CRISPLD1: variants seen among roughly 807,000 people sequenced by gnomAD.
The protein encoded by CRISPLD1 is cysteine-rich secretory protein LCCL domain-containing 1.
In CRISPLD1, 60 loss-of-function variants were observed where a neutral mutation model predicts 77.5. The observed-to-expected ratio is 0.77, with a 90% CI of 0.63 to 0.96. The LOEUF (loss-of-function observed/expected upper bound fraction) is 0.96, where lower values mean the gene tolerates loss of function less well. CRISPLD1 is among the 40% of genes least tolerant of loss of function. CRISPLD1 has a pLI of 0.00. For synonymous variants in CRISPLD1, 195 were observed against 200.1 expected, an observed-to-expected ratio of 0.97 and a Z score of 0.22; for missense variants, 623 against 615.8, an observed-to-expected ratio of 1.01 and a Z score of -0.12.
chr8:75,018,233 A>G (rs931975405), intron 10 of CRISPLD1, among the ~76,000 whole-genome samples: 1 of 152,074 alleles, frequency 6.6e-6, no homozygotes, highest in East Asian at 1.9e-4. Flanking sequence ...GGAACGCTCA[A>G]AAATTTGTGG....
At chr8:74,992,326 A>G (rs1222565847) in intron 2 of CRISPLD1, among the ~76,000 whole-genome samples, 1 of 151,998 alleles carries the variant, frequency 6.6e-6, no homozygotes, top group African/African-American at 2.4e-5. Flanking sequence ...TCAAATTTTC[A>G]TGAGCTGCTA....
Position 75,017,304 on chromosome 8 carries a change from C to A in CRISPLD1, c.997-16C>A, listed in dbSNP as rs1024945546. ...TAATATTTTTAACATCTTTTTATCT[C>A]CTCCTTTTTTCCAAGCAATCCAGCA... On this transcript the variant is annotated splice_polypyrimidine_tract_variant and intron_variant, in intron 9 of 14. Transcript: ENST00000262207. 6.2e-7 allele frequency: 1 copy of A among 1,606,152 alleles called. No homozygotes were observed. Among genetic ancestry groups the A allele is most frequent in the African/African-American group, 1.3e-5 (1 of 74,356 alleles).
chr8:75,024,583 C>T (rs1813201134), intron 12 of CRISPLD1, among the ~76,000 whole-genome samples: 1 of 152,142 alleles, frequency 6.6e-6, no homozygotes, highest in South Asian at 2.1e-4. Flanking sequence ...CCTCGGCCTC[C>T]CAGAGTGCTG....
chr8:75,021,731 T>TA (rs1458720927), intron 12 of CRISPLD1, among the ~76,000 whole-genome samples: 1 of 152,218 alleles, frequency 6.6e-6, no homozygotes, highest in Non-Finnish European at 1.5e-5. Context: ...TCAAGACCCC[T>TA]ACACTTACAG....
Position 75,033,792 on chromosome 8 carries a change from A to G in CRISPLD1, c.*1550A>G, listed in dbSNP as rs1196292270. 1 of 151,790 alleles carries G rather than the reference A, an allele frequency of 6.6e-6. No individual in the cohort carries two copies. Among genetic ancestry groups the G allele is most frequent in the African/African-American group, 2.4e-5 (1 of 41,306 alleles). 9.4% of individuals were successfully genotyped at this position (151,790 alleles called of 1,614,324 possible). A position where few individuals can be genotyped will look rare whatever the true frequency, so the allele number is the denominator to read the frequency against. ...TTGATCATATAATAAGTACTGGCTT[A>G]CAGCTAAGTGGTTCCAAATACTGGT... On this transcript the variant is annotated 3_prime_UTR_variant, in exon 15 of 15. Transcript: ENST00000262207.
At chr8:75,015,854 G>A (rs757171520) in intron 6 of CRISPLD1, among the ~76,000 whole-genome samples, 1 of 151,854 alleles carries the variant, frequency 6.6e-6, no homozygotes, top group Non-Finnish European at 1.5e-5. Context: ...CCTCTTCCCC[G>A]GTGACCATTA....
intron 1 of CRISPLD1, 121 bp downstream of exon 1, chr8:74,985,041 G>A (rs1812474859): frequency 6.6e-6 from 1 of 151,310 alleles, no homozygotes; most frequent in Admixed American, 6.6e-5. Flanking sequence ...GTGGTTGGGC[G>A]CGATGGGTGG....
In CRISPLD1 at chr8:75,012,524, G is replaced by A; in HGVS notation, c.350G>A (p.Gly117Glu). 1 of 1,611,572 alleles carries A rather than the reference G, an allele frequency of 6.2e-7. No homozygotes were observed. Among genetic ancestry groups the A allele is most frequent in the Non-Finnish European group, 8.5e-7 (1 of 1,178,002 alleles). ...HGPASLLPSI[G>E]QNLGAHWGRY... is the part of the protein sequence containing the mutation. Reference sequence around the variant, plus strand: ...CCTGCAAGCTTGCTTCCATCAATTGGACAGAATTTGGGAGCACACTGGGGA... The same window carrying A: ...CCTGCAAGCTTGCTTCCATCAATTGAACAGAATTTGGGAGCACACTGGGGA... The change falls in exon 3 of 15, where the codon GGA (glycine) becomes GAA (glutamate). Residue 117 changes from glycine (G) to glutamate (E), a missense_variant. Gly to Glu is a moderately conservative substitution (Grantham distance 98). Transcript: ENST00000262207.
At position 74,999,110 on chromosome 8, in the gene CRISPLD1, A is replaced by T. The variant is rs569695374; in HGVS notation, c.258+12865A>T. ...AATATGTAACTTGGATTACTGGGTTATTAAACTGGCTAAAAATAAGAACCT... is the reference window on the plus strand; with the variant it reads ...AATATGTAACTTGGATTACTGGGTTTTTAAACTGGCTAAAAATAAGAACCT... On this transcript the variant is annotated intron_variant, in intron 2 of 14. Transcript: ENST00000262207. 2.0e-5 allele frequency among the ~76,000 whole-genome samples: 3 copies of T among 152,272 alleles called. No individual in the cohort carries two copies. In the South Asian group the frequency reaches 6.2e-4, roughly 32 times the overall value.
At chr8:75,011,633 G>A (rs1359377029) in intron 2 of CRISPLD1, among the ~76,000 whole-genome samples, 1 of 151,612 alleles carries the variant, frequency 6.6e-6, no homozygotes, top group Non-Finnish European at 1.5e-5. Flanking sequence ...TAACTTAATC[G>A]GTGATTTAAA....
At chr8:74,996,371 T>G (rs979744241) in intron 2 of CRISPLD1, among the ~76,000 whole-genome samples, 4 of 152,168 alleles carry the variant, frequency 2.6e-5, no homozygotes, top group Admixed American at 1.3e-4. Flanking sequence ...ATTGAGCACT[T>G]ATGTGACACA....
chr8:74,986,132 G>C lies in CRISPLD1; in HGVS notation c.145G>C (p.Ala49Pro). The C allele has an allele frequency of 5.6e-6, 9 of 1,614,140 alleles. No homozygotes were observed. The highest frequency in any genetic ancestry group is 7.6e-6 in the Non-Finnish European group (9 of 1,180,036). The change falls in exon 2 of 15, where the codon GCC (alanine) becomes CCC (proline). Residue 49 changes from alanine (A) to proline (P), a missense_variant. Transcript: ENST00000262207. ...GGATGAGGATGGTGAGTGGTGGATA[G>C]CCAAACAACGAGGGAAAAGGGCCAT... is the stretch of plus-strand genomic sequence containing the variant. ...YMDEDGEWWIAKQRGKRAITD... is the reference protein window; with the variant it reads ...YMDEDGEWWIPKQRGKRAITD...
intron 12 of CRISPLD1, among the ~76,000 whole-genome samples, chr8:75,022,556 C>A (rs1434971320): frequency 2.7e-4 from 41 of 150,042 alleles, no homozygotes; most frequent in Non-Finnish European, 4.4e-5. Flanking sequence ...CCACTGCACT[C>A]CAGCCTGGGC....
chr8:74,994,592 C>G (rs567497673), intron 2 of CRISPLD1, among the ~76,000 whole-genome samples: 8 of 152,310 alleles, frequency 5.3e-5, no homozygotes, highest in Non-Finnish European at 1.0e-4. Flanking sequence ...TGTCTCCTCC[C>G]TTCCTGGGAT....
chr8:74,994,044 A>G (rs1324896435), intron 2 of CRISPLD1, among the ~76,000 whole-genome samples: 2 of 152,220 alleles, frequency 1.3e-5, no homozygotes, highest in Non-Finnish European at 2.9e-5. Flanking sequence ...GCATTTCGAC[A>G]TATGAATAGC....
intron 13 of CRISPLD1, among the ~76,000 whole-genome samples, chr8:75,027,611 T>G (rs1395934392): frequency 6.6e-6 from 1 of 152,126 alleles, no homozygotes; most frequent in East Asian, 1.9e-4. Flanking sequence ...GAAGAGTAAG[T>G]TGGAAATATA....
At chr8:74,999,779 T>TC (rs1452030013) in intron 2 of CRISPLD1, among the ~76,000 whole-genome samples, 2 of 151,718 alleles carry the variant, frequency 1.3e-5, no homozygotes, top group Non-Finnish European at 2.9e-5. Context: ...TCTTTTCTTT[T>TC]TTTTTTTTTA....
intron 2 of CRISPLD1, among the ~76,000 whole-genome samples, chr8:75,004,521 T>G (rs1474041376): frequency 1.3e-5 from 2 of 152,198 alleles, no homozygotes; most frequent in Non-Finnish European, 2.9e-5. Flanking sequence ...AACTGTCCAG[T>G]GTGATATTTT....
chr8:74,992,047 T>G (rs920787693), intron 2 of CRISPLD1, among the ~76,000 whole-genome samples: 4 of 152,174 alleles, frequency 2.6e-5, no homozygotes, highest in Admixed American at 2.0e-4. Flanking sequence ...TAACTAAGCT[T>G]GGTGAATAGA....
Sources: allele counts gnomAD v4.1 joint callset (sites outside exome capture counted in the v4.1 genomes callset), GRCh38; gene constraint gnomAD v4.1.1; transcripts MANE v1.5; gene names NCBI Gene and HGNC (gene_info 2026-07-23, HGNC 2026-07-21).